CELSR1: variants seen among roughly 807,000 people sequenced by gnomAD.
The protein encoded by CELSR1 is adhesion G protein-coupled receptor C1.
CELSR1 carries 110 observed loss-of-function variants against 249.1 expected under a neutral mutation model. That is an observed-to-expected ratio of 0.44 (90% CI 0.38 to 0.52). The LOEUF is 0.52. Ranked by LOEUF, CELSR1 falls within the 20% of genes least tolerant of loss-of-function variation. The pLI is 0.00. For missense variants in CELSR1, 4,109 were observed against 4,296.4 expected (o/e 0.96, Z 1.22); for synonymous variants, 2,113 against 1,900.0 (o/e 1.11, Z -2.92).
rs376166824 is a variant in CELSR1 at position 46,398,491 on chromosome 22, G to A, written c.5526+33C>T. On this transcript the variant is annotated intron_variant, in intron 11 of 34. Transcript: ENST00000674500. This position sits in a 1 kb window ranked among gnomAD's most constrained non-coding sequence, Gnocchi z 7.2. ...GCCTCGGAGCTGCCTGTGAGGGGCA[G>A]GCCTCCCCCCGCCCCCCACAACCCC... is the stretch of plus-strand genomic sequence containing the variant. 1.7e-4 allele frequency: 259 copies of A among 1,513,038 alleles called. No individual in the cohort carries two copies. In the African/African-American group the frequency reaches 2.8e-3, roughly 16 times the overall value. 93.7% of individuals were successfully genotyped at this position (1,513,038 alleles called of 1,614,324 possible). A position where few individuals can be genotyped will look rare whatever the true frequency, so the allele number is the denominator to read the frequency against.
Position 46,437,341 on chromosome 22 carries a change from A to AGATATACACGG in CELSR1, c.4407-1053_4407-1052insCCGTGTATATC, listed in dbSNP as rs2079674699. Among the ~76,000 whole-genome samples the AGATATACACGG allele has an allele frequency of 6.6e-6, 1 of 152,186 alleles. No homozygotes were observed. The highest frequency in any genetic ancestry group is 1.5e-5 in the Non-Finnish European group (1 of 68,046). ...GCTCCTGAGCTGGCTGGGTGTCTCC[A>AGATATACACGG]CCATCAGAGATACACGGCAGGAACT... On this transcript the variant is annotated intron_variant, in intron 3 of 34. Coordinates refer to ENST00000674500, the MANE Select transcript of CELSR1 (RefSeq NM_001378328.1). The surrounding 1 kb of genome is among the most constrained non-coding windows in gnomAD (Gnocchi z 4.9).
At chr22:46,439,021 G>T (rs968071849) in intron 3 of CELSR1, among the ~76,000 whole-genome samples, 168 bp downstream of exon 3, 2 of 152,206 alleles carry the variant, frequency 1.3e-5, no homozygotes, top group African/African-American at 2.4e-5. Flanking sequence ...GCCTCCCAAA[G>T]TGCTGGGATT....
rs2079892973 is a variant in CELSR1, at chr22:46,452,132, T to C, written c.4183+11575A>G. Among the ~76,000 whole-genome samples, 3 of 151,780 alleles carry C rather than the reference T, an allele frequency of 2.0e-5. No homozygotes were observed. The South Asian group carries it at 6.2e-4, about 31-fold the overall frequency. On this transcript the variant is annotated intron_variant, in intron 2 of 34. Transcript: ENST00000674500. ...ATGTCTGTTATTTTCAGCGCCCCGG[T>C]TTGTGATCACTTATCACAGCAGTCC...
chr22:46,532,931 A>G (rs1034354349), intron 1 of CELSR1, among the ~76,000 whole-genome samples: 4 of 152,156 alleles, frequency 2.6e-5, no homozygotes, highest in African/African-American at 9.7e-5. Flanking sequence ...GTTCACCTCC[A>G]GCCCCAGAGC....
At chr22:46,366,750 C>G (rs111324092) in intron 29 of CELSR1, among the ~76,000 whole-genome samples, 3,634 of 152,268 alleles carry the variant, frequency 0.024, 144 homozygotes, top group African/African-American at 0.082. Context: ...CCTCGGTGGT[C>G]CTGACCCTCT....
Position 46,369,722 on chromosome 22 carries a change from G to A in CELSR1, c.7842C>T (p.Ser2614=), listed in dbSNP as rs989271766. 1 of 1,613,564 alleles carries A rather than the reference G, an allele frequency of 6.2e-7. No homozygotes were observed. Among genetic ancestry groups the A allele is most frequent in the Non-Finnish European group, 8.5e-7 (1 of 1,179,998 alleles). The change falls in exon 26 of 35, where the codon AGC becomes AGT. Residue 2614 remains serine (S), a synonymous_variant. Transcript: ENST00000674500. Reference sequence around the variant, plus strand: ...TAACAGCTCCGATGGGCCCCGCAAAGCTCCAAATCAGGGTGTCTTGAAGCG... The same window carrying A: ...TAACAGCTCCGATGGGCCCCGCAAAACTCCAAATCAGGGTGTCTTGAAGCG... The part of the protein sequence containing the change: ...WLSLQDTLIW[S]FAGPIGAVII...
intron 1 of CELSR1, among the ~76,000 whole-genome samples, chr22:46,469,996 G>A (rs1170590055): frequency 4.5e-5 from 6 of 133,978 alleles, no homozygotes; most frequent in Admixed American, 7.4e-5. Context: ...GGGAGGGAGG[G>A]AGGGAGAGGC....
rs74806820 is a variant in CELSR1, at chr22:46,444,511, G to T, written c.4184-5100C>A. Among the ~76,000 whole-genome samples the T allele has an allele frequency of 5.6e-4, 85 of 152,352 alleles. 1 individual carries two copies. The East Asian group carries it at 0.014, about 25-fold the overall frequency. Reference sequence around the variant, plus strand: ...CAGCCGCAGGTGTTTGCCCCTCGCTGAAAAGGTCTTGCTCCTTTAAATATG... The same window carrying T: ...CAGCCGCAGGTGTTTGCCCCTCGCTTAAAAGGTCTTGCTCCTTTAAATATG... On this transcript the variant is annotated intron_variant, in intron 2 of 34. Transcript: ENST00000674500.
intron 24 of CELSR1, 27 bp from the exon 25 acceptor site, chr22:46,373,084 G>A (rs1358280919): frequency 1.3e-6 from 2 of 1,557,408 alleles, no homozygotes; most frequent in Non-Finnish European, 1.7e-6. Flanking sequence ...CGCTCAGCAA[G>A]GGCCCCTGCA....
Position 46,377,123 on chromosome 22 carries a change from C to A in CELSR1, c.7522G>T (p.Ala2508Ser). ...AGCTGAGAGAGGAAGAGCGCCACGG[C>A]GAGGTGCTTGTGAATGCTGTGCAGG... ...SNLHSIHKHL[A>S]VALFLSQLVF... The change falls in exon 24 of 35, where the codon GCC becomes TCC. Residue 2508 changes from alanine (A) to serine (S), a missense_variant. Coordinates refer to ENST00000674500, the MANE Select transcript of CELSR1 (RefSeq NM_001378328.1). 2 of 1,613,564 alleles carry A rather than the reference C, an allele frequency of 1.2e-6. No individual in the cohort carries two copies. Among genetic ancestry groups the A allele is most frequent in the Non-Finnish European group, 1.7e-6 (2 of 1,179,874 alleles).
chr22:46,365,421 G>A (rs1256087004), intron 31 of CELSR1, 41 bp from the exon 32 acceptor site: 2 of 1,605,334 alleles, frequency 1.2e-6, no homozygotes, highest in African/African-American at 1.3e-5. Context: ...GGCCCTGGGA[G>A]GTGAGGGAGT....
intron 23 of CELSR1, among the ~76,000 whole-genome samples, chr22:46,377,813 G>A (rs1159516732): frequency 3.9e-5 from 6 of 152,232 alleles, no homozygotes; most frequent in African/African-American, 1.2e-4. Context: ...CCCCGCCTGA[G>A]GGCTGACTCA....
Position 46,417,565 on chromosome 22 carries a change from C to A in CELSR1, c.4612-5806G>T, listed in dbSNP as rs984005673. ...ACCGTCTGGAAGCCCAACTGAGCCA[C>A]TGGGCCACCGGGTGGGGAGGGCAGC... is the stretch of plus-strand genomic sequence containing the variant. On this transcript the variant is annotated intron_variant, in intron 5 of 34. Transcript: ENST00000674500. This position sits in a 1 kb window ranked among gnomAD's most constrained non-coding sequence, Gnocchi z 4.1. 7.9e-5 allele frequency among the ~76,000 whole-genome samples: 12 copies of A among 152,212 alleles called. No individual in the cohort carries two copies. Among genetic ancestry groups the A allele is most frequent in the Non-Finnish European group, 1.3e-4 (9 of 68,040 alleles).
intron 2 of CELSR1, among the ~76,000 whole-genome samples, chr22:46,460,468 A>T (rs894079480): frequency 1.4e-4 from 22 of 152,178 alleles, no homozygotes; most frequent in Non-Finnish European, 2.9e-4. Context: ...ATTTCAGATG[A>T]AGGGATGGCA....
Position 46,386,453 on chromosome 22 carries a change from T to C in CELSR1, c.6688A>G (p.Asn2230Asp). 1 of 1,603,162 alleles carries C rather than the reference T, an allele frequency of 6.2e-7. No individual in the cohort carries two copies. The highest frequency in any genetic ancestry group is 8.5e-7 in the Non-Finnish European group (1 of 1,175,638). Residue 2230 changes from asparagine to aspartate, a missense_variant, in exon 19 of 35, where the codon AAC becomes GAC. Asn to Asp is a conservative substitution (Grantham distance 23). Coordinates refer to ENST00000674500, the MANE Select transcript of CELSR1 (RefSeq NM_001378328.1). The stretch of plus-strand genomic sequence containing the variant: ...GGCCGCAGGTACGTCCGCCGCACGT[T>C]GCGTGCCACGTTGCTGAAGTAGCCC... ...LEGYFSNVARNVRRTYLRPFV... is the reference protein window; with the variant it reads ...LEGYFSNVARDVRRTYLRPFV...
rs776600838 is a variant in CELSR1, at chr22:46,490,066, C to T, written c.3545-25721G>A. Among the ~76,000 whole-genome samples, 8 of 152,200 alleles carry T rather than the reference C, an allele frequency of 5.3e-5. No individual in the cohort carries two copies. Among genetic ancestry groups the T allele is most frequent in the Admixed American group, 6.5e-5 (1 of 15,276 alleles). Reference sequence around the variant, plus strand: ...CTAACGTGGCCACCCCACAGGGCTGCACAGAGACCCAGTGAGCCGCTTTCT... The same window carrying T: ...CTAACGTGGCCACCCCACAGGGCTGTACAGAGACCCAGTGAGCCGCTTTCT... On this transcript the variant is annotated intron_variant, in intron 1 of 34. Coordinates refer to ENST00000674500, the MANE Select transcript of CELSR1 (RefSeq NM_001378328.1). This position sits in a 1 kb window ranked among gnomAD's most constrained non-coding sequence, Gnocchi z 5.2.
rs1225973793 is a variant in CELSR1, at chr22:46,457,782, C to T, written c.4183+5925G>A. Among the ~76,000 whole-genome samples, 7 of 152,172 alleles carry T rather than the reference C, an allele frequency of 4.6e-5. No homozygotes were observed. In the East Asian group the frequency reaches 5.8e-4, roughly 13 times the overall value. On this transcript the variant is annotated intron_variant, in intron 2 of 34. Transcript: ENST00000674500. ...GGGCAGGACAGAGTCAGACATACCT[C>T]GGCGTCCCCTAGGAAGGGGCAGAGG...
chr22:46,391,605 C>G lies in CELSR1; in HGVS notation c.6148+28G>C. 2 of 1,564,074 alleles carry G rather than the reference C, an allele frequency of 1.3e-6. No homozygotes were observed. The highest frequency in any genetic ancestry group is 1.7e-6 in the Non-Finnish European group (2 of 1,161,876). ...CAGCAGCCTGTCCCCGCGCTGTAAC[C>G]TGCAGGGTGTCGAGGGGCAACGCGG... On this transcript the variant is annotated intron_variant, in intron 15 of 34. Transcript: ENST00000674500. This position sits in a 1 kb window ranked among gnomAD's most constrained non-coding sequence, Gnocchi z 4.3.
In CELSR1 at chr22:46,436,637, G is replaced by GGA. The variant is rs2079665212; in HGVS notation, c.4407-349_4407-348insTC. Among the ~76,000 whole-genome samples the GGA allele has an allele frequency of 2.0e-5, 3 of 152,190 alleles. No homozygotes were observed. Among genetic ancestry groups the GGA allele is most frequent in the Non-Finnish European group, 4.4e-5 (3 of 68,038 alleles). On this transcript the variant is annotated intron_variant, in intron 3 of 34. Transcript: ENST00000674500. The surrounding 1 kb of genome is among the most constrained non-coding windows in gnomAD (Gnocchi z 5.9). ...CACGTGCTGTACATTTTCTGCTGCTGTGAACAGATCCCCCCGTGTGTGCGC... is the reference window on the plus strand; with the variant it reads ...CACGTGCTGTACATTTTCTGCTGCTGGATGAACAGATCCCCCCGTGTGTGCGC...
Sources: gnomAD v4.1 joint callset for allele counts (sites outside exome capture counted in the v4.1 genomes callset) on GRCh38, gnomAD v4.1.1 for gene constraint, Gnocchi (gnomAD v3.1) non-coding constraint, MANE v1.5 for transcripts, NCBI Gene and HGNC (gene_info 2026-07-23, HGNC 2026-07-21) for gene names.